The following SLC15A1 variants were observed in gnomAD, a reference collection of about 807,000 sequenced individuals.
SLC15A1 encodes the protein solute carrier family 15 member 1.
SLC15A1 carries 83 observed loss-of-function variants against 92.9 expected under a neutral mutation model. The observed-to-expected ratio is 0.89, with a 90% confidence interval of 0.75 to 1.07. The LOEUF is 1.07. SLC15A1 is among the 50% of genes least tolerant of loss of function. The pLI, the probability that SLC15A1 is intolerant of heterozygous loss-of-function variation, is 0.00. For synonymous variants in SLC15A1, 322 were observed against 318.2 expected, an observed-to-expected ratio of 1.01 and a Z score of -0.13; for missense variants, 857 against 880.1, an observed-to-expected ratio of 0.97 and a Z score of 0.33.
rs1160816249 is a variant in SLC15A1, at chr13:98,684,550, A to G, written c.*174T>C. 1 of 327,380 alleles carries G rather than the reference A, an allele frequency of 3.1e-6. No homozygotes were observed. Among genetic ancestry groups the G allele is most frequent in the East Asian group, 6.1e-5 (1 of 16,494 alleles). 20.3% of individuals were successfully genotyped at this position (327,380 alleles called of 1,614,324 possible). ...ACAAGAGCAAAACTCTGTCTCAAAAAAAAAAAAAAAAAAAAAAAGAAAAGA... is the reference window on the plus strand; with the variant it reads ...ACAAGAGCAAAACTCTGTCTCAAAAGAAAAAAAAAAAAAAAAAAGAAAAGA... On this transcript the variant is annotated 3_prime_UTR_variant, in exon 23 of 23. Coordinates refer to ENST00000376503, the MANE Select transcript of SLC15A1 (RefSeq NM_005073.4).
intron 18 of SLC15A1, among the ~76,000 whole-genome samples, chr13:98,698,966 A>G (rs1349151100): frequency 6.6e-6 from 1 of 152,096 alleles, no homozygotes; most frequent in Admixed American, 6.6e-5. Flanking sequence ...TATTCTTATT[A>G]AATATTTATT....
chr13:98,744,041 A>T (rs1339616721), intron 1 of SLC15A1, among the ~76,000 whole-genome samples: 1 of 152,048 alleles, frequency 6.6e-6, no homozygotes, highest in African/African-American at 2.4e-5. Context: ...TTAAAAGGAA[A>T]CAAGCCTGGG....
intron 7 of SLC15A1, 26 bp from the exon 8 acceptor site, chr13:98,719,346 T>C (rs757999729): frequency 6.5e-7 from 1 of 1,540,064 alleles, no homozygotes; most frequent in African/African-American, 1.4e-5. Flanking sequence ...AAGATTAAAA[T>C]TGTTATGGCA....
intron 18 of SLC15A1, among the ~76,000 whole-genome samples, chr13:98,690,503 G>T (rs2087966062): frequency 6.6e-6 from 1 of 152,172 alleles, no homozygotes; most frequent in South Asian, 2.1e-4. Flanking sequence ...TGGGCCTGAG[G>T]CCTGGCTTTA....
intron 15 of SLC15A1, among the ~76,000 whole-genome samples, chr13:98,707,100 C>T (rs1213645063): frequency 6.6e-6 from 1 of 152,174 alleles, no homozygotes; most frequent in Non-Finnish European, 1.5e-5. Context: ...CTACAATGCC[C>T]TCTTTCAAAA....
At chr13:98,688,653 G>T in intron 18 of SLC15A1, 76 bp from the exon 19 acceptor site, 1 of 1,026,716 alleles carries the variant, frequency 9.7e-7, no homozygotes, top group Non-Finnish European at 1.5e-6. Context: ...TGCACCTGAA[G>T]TTGGGCAATA....
At chr13:98,738,923 G>A (rs768143812) in intron 1 of SLC15A1, among the ~76,000 whole-genome samples, 63 of 152,238 alleles carry the variant, frequency 4.1e-4, no homozygotes, top group Non-Finnish European at 4.6e-4. Flanking sequence ...TCAACAACAT[G>A]TGAGAGCAAC....
chr13:98,702,425 T>C (rs1243689368), intron 18 of SLC15A1, 55 bp downstream of exon 18: 1 of 1,113,046 alleles, frequency 9.0e-7, no homozygotes, highest in Non-Finnish European at 1.4e-6. Flanking sequence ...ACTATGGGTA[T>C]GCATTACTTT....
At chr13:98,731,046 C>A (rs2088346646) in intron 1 of SLC15A1, among the ~76,000 whole-genome samples, 1 of 152,206 alleles carries the variant, frequency 6.6e-6, no homozygotes, top group South Asian at 2.1e-4. Flanking sequence ...CTGACGTCAG[C>A]CCTTCCCACA....
At chr13:98,750,344 C>T (rs1413849403) in intron 1 of SLC15A1, among the ~76,000 whole-genome samples, 1 of 152,160 alleles carries the variant, frequency 6.6e-6, no homozygotes, top group Non-Finnish European at 1.5e-5. Flanking sequence ...ATCTCTTGAA[C>T]TTATGATCCG....
At chr13:98,719,913 C>T (rs1336446279) in intron 7 of SLC15A1, among the ~76,000 whole-genome samples, 1 of 152,118 alleles carries the variant, frequency 6.6e-6, no homozygotes, top group Non-Finnish European at 1.5e-5. Context: ...TTGGCAACCT[C>T]TGACCAACAG....
At chr13:98,736,685 T>C (rs1409362783) in intron 1 of SLC15A1, among the ~76,000 whole-genome samples, 3 of 152,074 alleles carry the variant, frequency 2.0e-5, no homozygotes, top group Non-Finnish European at 4.4e-5. Context: ...GGGCAAAGGA[T>C]ATGAACAGAC....
In SLC15A1 at chr13:98,719,340, T is replaced by C; in HGVS notation, c.557-20A>G. On this transcript the variant is annotated intron_variant, in intron 7 of 22. Transcript: ENST00000376503. Reference sequence around the variant, plus strand: ...GTTGAACTGGGGAGAAATGACAAGATTAAAATTGTTATGGCATTGGTAATG... The same window carrying C: ...GTTGAACTGGGGAGAAATGACAAGACTAAAATTGTTATGGCATTGGTAATG... 6.4e-7 allele frequency: 1 copy of C among 1,569,680 alleles called. No homozygotes were observed. Among genetic ancestry groups the C allele is most frequent in the Non-Finnish European group, 8.8e-7 (1 of 1,139,936 alleles).
At chr13:98,707,213 G>A (rs1475126200) in intron 15 of SLC15A1, among the ~76,000 whole-genome samples, 3 of 152,112 alleles carry the variant, frequency 2.0e-5, no homozygotes, top group Non-Finnish European at 2.9e-5. Context: ...TGTTCATGGC[G>A]GCACTGTTTG....
At chr13:98,725,998 A>T in intron 4 of SLC15A1, 125 bp downstream of exon 4, 1 of 1,258,490 alleles carries the variant, frequency 7.9e-7, no homozygotes, top group Non-Finnish European at 1.1e-6. Flanking sequence ...GAACCATACC[A>T]CACCTGGCCT....
At chr13:98,719,656 C>A (rs1329637186) in intron 7 of SLC15A1, among the ~76,000 whole-genome samples, 5 of 152,132 alleles carry the variant, frequency 3.3e-5, no homozygotes, top group African/African-American at 1.2e-4. Flanking sequence ...CTCAGTAAAT[C>A]AAAAGTACAC....
At chr13:98,720,162 G>C (rs1817764552) in intron 7 of SLC15A1, among the ~76,000 whole-genome samples, 1 of 151,998 alleles carries the variant, frequency 6.6e-6, no homozygotes, top group Admixed American at 6.6e-5. Flanking sequence ...AATGTTTCCT[G>C]TTCATGGCAA....
intron 1 of SLC15A1, among the ~76,000 whole-genome samples, chr13:98,730,213 AGGGAGGGGAAGGGAAGGGGAAG>A (rs2088336689): frequency 9.2e-6 from 1 of 108,982 alleles, no homozygotes; most frequent in Non-Finnish European, 1.8e-5. Context: ...AAAAAAAGGA[AGGGAGGGGAAGGGAAGGGGAAG>A]GGAAGGGGAA....
intron 1 of SLC15A1, 102 bp from the exon 2 acceptor site, chr13:98,726,961 C>A: frequency 9.2e-7 from 1 of 1,092,116 alleles, no homozygotes; most frequent in South Asian, 1.3e-5. Flanking sequence ...GTCAGAGGGG[C>A]CATTCACCAA....
Sources: allele counts gnomAD v4.1 joint callset (sites outside exome capture counted in the v4.1 genomes callset), GRCh38; gene constraint gnomAD v4.1.1; transcripts MANE v1.5; gene names NCBI Gene and HGNC (gene_info 2026-07-23, HGNC 2026-07-21).